The following RBFOX1 variants were observed in gnomAD, a reference collection of about 807,000 sequenced individuals.
The protein encoded by RBFOX1 is RNA binding protein fox-1 homolog 1.
RBFOX1 carries 8 observed loss-of-function variants against 57.7 expected under a neutral mutation model. That is an observed-to-expected ratio of 0.14 (90% CI 0.08 to 0.25). The LOEUF is 0.25. Ranked by LOEUF, RBFOX1 falls within the 10% of genes least tolerant of loss-of-function variation. The pLI is 1.00. For missense variants in RBFOX1, 611 were observed against 548.5 expected (o/e 1.11, Z -1.14); for synonymous variants, 326 against 222.4 (o/e 1.47, Z -4.15).
intron 2 of RBFOX1, among the ~76,000 whole-genome samples, chr16:6,647,966 C>T (rs1205585430): frequency 6.6e-6 from 1 of 152,112 alleles, no homozygotes; most frequent in South Asian, 2.1e-4. Flanking sequence ...GTCAGCCTCT[C>T]TAGTAGCTGG....
intron 2 of RBFOX1, among the ~76,000 whole-genome samples, chr16:6,366,629 C>A (rs748858427): frequency 1.3e-5 from 2 of 152,114 alleles, no homozygotes; most frequent in Non-Finnish European, 2.9e-5. Context: ...TTACCATGTG[C>A]CAGGTTCTTC....
chr16:7,156,016 C>G (rs1034109808), intron 4 of RBFOX1, among the ~76,000 whole-genome samples: 2 of 151,746 alleles, frequency 1.3e-5, no homozygotes, highest in South Asian at 2.1e-4. Flanking sequence ...CACACACACT[C>G]ACACATACAC....
chr16:5,352,382 A>G (rs1157527420), intron 1 of RBFOX1, among the ~76,000 whole-genome samples: 2 of 152,216 alleles, frequency 1.3e-5, no homozygotes, highest in African/African-American at 4.8e-5. Context: ...TGTCTCAAAT[A>G]ATTTCAAACC....
rs573825284 is a variant in RBFOX1 at position 5,354,191 on chromosome 16, G to A, written c.220-113025G>A. Reference sequence around the variant, plus strand: ...AGGTGCACTTGCGGGAGCTGTTCCTGTCGGCCTTGGCTGATGTCTCCTGAG... The same window carrying A: ...AGGTGCACTTGCGGGAGCTGTTCCTATCGGCCTTGGCTGATGTCTCCTGAG... On this transcript the variant is annotated intron_variant, in intron 1 of 2. Transcript: ENST00000585867. Among the ~76,000 whole-genome samples the A allele has an allele frequency of 6.6e-5, 10 of 152,282 alleles. No homozygotes were observed. In the East Asian group the frequency reaches 1.7e-3, roughly 26 times the overall value.
At chr16:5,290,245 C>T (rs1596409044) in intron 1 of RBFOX1, among the ~76,000 whole-genome samples, 1 of 152,098 alleles carries the variant, frequency 6.6e-6, no homozygotes. Context: ...GCCTCTAATC[C>T]CAGCTACTTG....
chr16:5,311,896 C>G (rs2151222996), intron 1 of RBFOX1, among the ~76,000 whole-genome samples: 1 of 152,306 alleles, frequency 6.6e-6, no homozygotes, highest in Non-Finnish European at 1.5e-5. Context: ...TCTTGACTCC[C>G]ATGGTCACTT....
intron 10 of RBFOX1, among the ~76,000 whole-genome samples, chr16:7,629,352 G>T (rs985428328): frequency 6.6e-6 from 1 of 152,174 alleles, no homozygotes; most frequent in African/African-American, 2.4e-5. Flanking sequence ...TACAGAAGGA[G>T]CATAGAACCA....
chr16:7,301,057 A>G (rs571682152), intron 4 of RBFOX1, among the ~76,000 whole-genome samples: 3 of 151,882 alleles, frequency 2.0e-5, no homozygotes, highest in Non-Finnish European at 2.9e-5. Flanking sequence ...TGGCCTTGAT[A>G]TGGCTCTTTC....
intron 3 of RBFOX1, among the ~76,000 whole-genome samples, chr16:5,643,630 C>T (rs1459224522): frequency 1.3e-5 from 2 of 152,182 alleles, no homozygotes; most frequent in South Asian, 2.1e-4. Context: ...AGTCTTCCTG[C>T]AGCATTTAAA....
intron 3 of RBFOX1, among the ~76,000 whole-genome samples, chr16:5,704,299 G>A (rs947888835): frequency 6.6e-6 from 1 of 152,112 alleles, no homozygotes; most frequent in Non-Finnish European, 1.5e-5. Flanking sequence ...GAGGAACTCT[G>A]GAGCCTAATC....
chr16:6,052,744 A>T (rs542973276), intron 1 of RBFOX1, among the ~76,000 whole-genome samples: 2 of 151,524 alleles, frequency 1.3e-5, no homozygotes, highest in African/African-American at 4.8e-5. Flanking sequence ...AGATCGCGCC[A>T]CTGCACTCCA....
intron 4 of RBFOX1, among the ~76,000 whole-genome samples, chr16:5,888,320 C>T (rs2057951125): frequency 1.3e-5 from 2 of 152,152 alleles, no homozygotes; most frequent in African/African-American, 4.8e-5. Context: ...GAGCATCTTC[C>T]TTTATTCTAC....
intron 2 of RBFOX1, among the ~76,000 whole-genome samples, chr16:5,515,646 T>G (rs1435550090): frequency 6.6e-6 from 1 of 152,228 alleles, no homozygotes; most frequent in Non-Finnish European, 1.5e-5. Flanking sequence ...TAGTCACTGC[T>G]ATAAATTAGA....
At chr16:7,629,131 C>A (rs539212362) in intron 10 of RBFOX1, among the ~76,000 whole-genome samples, 18 of 152,294 alleles carry the variant, frequency 1.2e-4, no homozygotes, top group African/African-American at 3.8e-4. Context: ...TGGGACATTC[C>A]TTCAGGTAGA....
intron 4 of RBFOX1, among the ~76,000 whole-genome samples, chr16:7,185,800 G>A (rs1265776597): frequency 1.3e-5 from 2 of 152,118 alleles, no homozygotes; most frequent in African/African-American, 4.8e-5. Context: ...ATGAAGATCT[G>A]AGCATCAGTC....
At chr16:6,107,462 T>A (rs1208225555) in intron 1 of RBFOX1, among the ~76,000 whole-genome samples, 1 of 152,164 alleles carries the variant, frequency 6.6e-6, no homozygotes, top group Non-Finnish European at 1.5e-5. Flanking sequence ...TCTGCGGAGA[T>A]GTCGGATGAT....
intron 1 of RBFOX1, among the ~76,000 whole-genome samples, chr16:6,313,456 A>G (rs1210024780): frequency 6.6e-6 from 1 of 152,192 alleles, no homozygotes; most frequent in Non-Finnish European, 1.5e-5. Flanking sequence ...GGCAGAATCT[A>G]TGGAAACAGA....
chr16:6,201,986 C>T (rs955234815), intron 1 of RBFOX1, among the ~76,000 whole-genome samples: 1 of 152,132 alleles, frequency 6.6e-6, no homozygotes. Context: ...GTGAACATGT[C>T]AGAGTATTGG....
intron 1 of RBFOX1, among the ~76,000 whole-genome samples, chr16:5,260,130 G>A (rs1478647700): frequency 6.6e-6 from 1 of 152,202 alleles, no homozygotes; most frequent in Non-Finnish European, 1.5e-5. Flanking sequence ...AAGCCTGGGA[G>A]GTGGAGGTTT....
Sources: allele counts gnomAD v4.1 joint callset (sites outside exome capture counted in the v4.1 genomes callset), GRCh38; gene constraint gnomAD v4.1.1; transcripts MANE v1.5; gene names NCBI Gene and HGNC (gene_info 2026-07-23, HGNC 2026-07-21).